The following PLEKHA5 variants were observed in gnomAD, a reference collection of about 807,000 sequenced individuals.
The protein encoded by PLEKHA5 is pleckstrin homology domain containing A5, also known as pleckstrin homology domain-containing family A member 5.
In PLEKHA5, 55 loss-of-function variants were observed where a neutral mutation model predicts 181.9. The observed-to-expected ratio is 0.30, with a 90% CI of 0.24 to 0.38. The LOEUF (loss-of-function observed/expected upper bound fraction) is 0.38, where lower values mean the gene tolerates loss of function less well. Ranked by LOEUF, PLEKHA5 falls within the 10% of genes least tolerant of loss-of-function variation. The pLI is 1.00. For synonymous variants in PLEKHA5, 535 were observed against 529.4 expected, an observed-to-expected ratio of 1.01 and a Z score of -0.15; for missense variants, 1,432 against 1,549.5, an observed-to-expected ratio of 0.92 and a Z score of 1.27.
At chr12:19,215,537 C>T (rs1377861746) in intron 3 of PLEKHA5, among the ~76,000 whole-genome samples, 1 of 152,124 alleles carries the variant, frequency 6.6e-6, no homozygotes, top group African/African-American at 2.4e-5. Flanking sequence ...TCAAGTTATA[C>T]TTTTTAAAAA....
chr12:19,341,863 C>T (rs1237286173), intron 21 of PLEKHA5, among the ~76,000 whole-genome samples: 1 of 152,008 alleles, frequency 6.6e-6, no homozygotes, highest in Non-Finnish European at 1.5e-5. Context: ...TCCCAAGTAG[C>T]TGGGACCACA....
intron 15 of PLEKHA5, among the ~76,000 whole-genome samples, chr12:19,308,400 CA>C (rs2084940038): frequency 6.6e-6 from 1 of 152,082 alleles, no homozygotes; most frequent in African/African-American, 2.4e-5. Context: ...CTATTTACAT[CA>C]AAAAGCTTTT....
intron 21 of PLEKHA5, among the ~76,000 whole-genome samples, chr12:19,342,510 G>T (rs2094013398): frequency 6.6e-6 from 1 of 152,150 alleles, no homozygotes; most frequent in African/African-American, 2.4e-5. Flanking sequence ...TACAAAATTA[G>T]CCGGGTGTGG....
chr12:19,231,068 A>T (rs1045139254), intron 3 of PLEKHA5, among the ~76,000 whole-genome samples: 3 of 152,080 alleles, frequency 2.0e-5, no homozygotes, highest in African/African-American at 2.4e-5. Flanking sequence ...GGTTTTTTTT[A>T]AAACATGGGT....
chr12:19,170,343 T>C (rs1385297709), intron 3 of PLEKHA5, among the ~76,000 whole-genome samples: 1 of 152,124 alleles, frequency 6.6e-6, no homozygotes, highest in East Asian at 1.9e-4. Flanking sequence ...TGTGTATAAA[T>C]AATAAGAATT....
chr12:19,244,185 A>G (rs1435880719), intron 3 of PLEKHA5, among the ~76,000 whole-genome samples: 1 of 152,234 alleles, frequency 6.6e-6, no homozygotes, highest in Non-Finnish European at 1.5e-5. Flanking sequence ...TTGCAAAATT[A>G]CAAGACACTG....
intron 20 of PLEKHA5, among the ~76,000 whole-genome samples, chr12:19,327,304 A>C (rs1444014844): frequency 7.1e-6 from 1 of 140,010 alleles, no homozygotes; most frequent in African/African-American, 2.6e-5. Flanking sequence ...GTGAGATGGT[A>C]TCTCATTGTG....
chr12:19,369,846 T>C, intron 31 of PLEKHA5, 48 bp downstream of exon 31: 1 of 1,126,678 alleles, frequency 8.9e-7, no homozygotes, highest in Non-Finnish European at 1.3e-6. Flanking sequence ...TACTTGAATT[T>C]TATGACTTAT....
intron 13 of PLEKHA5, among the ~76,000 whole-genome samples, chr12:19,289,906 C>G (rs951072597): frequency 2.0e-5 from 3 of 151,560 alleles, no homozygotes; most frequent in African/African-American, 7.3e-5. Flanking sequence ...GTGAAGATAT[C>G]CAAGTTTTAT....
intron 3 of PLEKHA5, among the ~76,000 whole-genome samples, chr12:19,197,887 A>G (rs114811125): frequency 1.2e-3 from 174 of 151,142 alleles, no homozygotes; most frequent in African/African-American, 4.0e-3. Context: ...GCTGCCTTGC[A>G]GCCATTCTCA....
At chr12:19,345,715 A>ATCACGCCACTACAC (rs1449482006) in intron 22 of PLEKHA5, 127 bp from the exon 23 acceptor site, 1 of 474,968 alleles carries the variant, frequency 2.1e-6, no homozygotes, top group African/African-American at 2.1e-5. Context: ...GTGAGCTGAG[A>ATCACGCCACTACAC]TCACGCCACT....
At chr12:19,258,233 A>G (rs1322060958) in intron 6 of PLEKHA5, among the ~76,000 whole-genome samples, 1 of 152,222 alleles carries the variant, frequency 6.6e-6, no homozygotes, top group East Asian at 1.9e-4. Context: ...CATCATTTCG[A>G]TTACATAGAG....
In PLEKHA5 at chr12:19,255,126, T is replaced by A. The variant is rs1449407191; in HGVS notation, c.393T>A (p.Thr131=). The A allele has an allele frequency of 6.2e-7, 1 of 1,608,898 alleles. No individual in the cohort carries two copies. Among genetic ancestry groups the A allele is most frequent in the Admixed American group, 1.7e-5 (1 of 59,914 alleles). ...ATGAAGCTTCTAACTATAACGTGACTTCAGATTATGCAGTGCATCCAATGA... is the reference window on the plus strand; with the variant it reads ...ATGAAGCTTCTAACTATAACGTGACATCAGATTATGCAGTGCATCCAATGA... ...MINEASNYNV[T]SDYAVHPMSP... Residue 131 remains threonine (T), a synonymous_variant, in exon 5 of 32, where the codon ACT becomes ACA. Transcript: ENST00000429027.
rs1209211807 is a variant in PLEKHA5 at position 19,376,006 on chromosome 12, T to C, written c.*487T>C. ...TTGATTTGTAAAAATTTTATATATA[T>C]GTATTTAAAATGTGCCATTTTATTG... On this transcript the variant is annotated 3_prime_UTR_variant, in exon 32 of 32. Coordinates refer to ENST00000429027, the MANE Select transcript of PLEKHA5 (RefSeq NM_001256470.2). 1 of 152,536 alleles carries C rather than the reference T, an allele frequency of 6.6e-6. No homozygotes were observed. The highest frequency in any genetic ancestry group is 2.4e-5 in the African/African-American group (1 of 41,430). The allele number at this position is 152,536 out of a possible 1,614,324, so 9.4% of individuals were successfully genotyped here. A position where few individuals can be genotyped will look rare whatever the true frequency, so the allele number is the denominator to read the frequency against.
intron 3 of PLEKHA5, among the ~76,000 whole-genome samples, chr12:19,192,949 C>T (rs940359404): frequency 2.6e-5 from 4 of 152,128 alleles, no homozygotes; most frequent in African/African-American, 9.7e-5. Context: ...GGAATGCAGC[C>T]ATACTCATTT....
intron 3 of PLEKHA5, among the ~76,000 whole-genome samples, chr12:19,224,647 AC>A (rs1263827060): frequency 2.9e-4 from 44 of 152,332 alleles, no homozygotes; most frequent in Admixed American, 2.7e-3. Context: ...TGACTAAGTT[AC>A]AGAATTTTAG....
chr12:19,191,180 A>G (rs568128699), intron 3 of PLEKHA5, among the ~76,000 whole-genome samples: 53 of 152,274 alleles, frequency 3.5e-4, no homozygotes, highest in South Asian at 1.5e-3. Flanking sequence ...CTGGTAGCAA[A>G]CATCCTGTTA....
intron 29 of PLEKHA5, among the ~76,000 whole-genome samples, chr12:19,363,122 G>GTTTTTTT: frequency 6.8e-6 from 1 of 146,578 alleles, no homozygotes; most frequent in African/African-American, 2.5e-5. Flanking sequence ...TTCTTTTTTT[G>GTTTTTTT]TTTTTTTTTT....
At chr12:19,340,434 C>CCCTACTGGGAAGTG (rs1555167432) in intron 21 of PLEKHA5, among the ~76,000 whole-genome samples, 1 of 125,262 alleles carries the variant, frequency 8.0e-6, no homozygotes. Flanking sequence ...GCCCGGCCAC[C>CCCTACTGGGAAGTG]ACCCCGTCTG....
Sources: gnomAD v4.1 joint callset for allele counts (sites outside exome capture counted in the v4.1 genomes callset) on GRCh38, gnomAD v4.1.1 for gene constraint, MANE v1.5 for transcripts, NCBI Gene and HGNC (gene_info 2026-07-23, HGNC 2026-07-21) for gene names.